The following DAB1 variants were observed in gnomAD, a reference collection of about 807,000 sequenced individuals.
DAB1 encodes disabled homolog 1.
In DAB1, 15 loss-of-function variants were observed where a neutral mutation model predicts 64.6. The ratio of observed to expected loss-of-function variants is 0.23; its 90% CI spans 0.16 to 0.36. The LOEUF is 0.36. Ranked by LOEUF, DAB1 falls within the 10% of genes least tolerant of loss-of-function variation. The pLI, the probability that DAB1 is intolerant of heterozygous loss-of-function variation, is 1.00. For synonymous variants in DAB1, 235 were observed against 251.9 expected, an observed-to-expected ratio of 0.93 and a Z score of 0.64; for missense variants, 596 against 706.7, an observed-to-expected ratio of 0.84 and a Z score of 1.78.
chr1:57,874,760 C>T (rs1644014953), intron 1 of DAB1, among the ~76,000 whole-genome samples: 1 of 152,046 alleles, frequency 6.6e-6, no homozygotes, highest in Non-Finnish European at 1.5e-5. Flanking sequence ...CTTGAGGGTT[C>T]AAACAAGGTT....
intron 7 of DAB1, among the ~76,000 whole-genome samples, chr1:57,613,268 A>ATTCTCATTCTGTTTCAGAATTGC (rs1645750222): frequency 6.6e-6 from 1 of 152,202 alleles, no homozygotes; most frequent in African/African-American, 2.4e-5. Flanking sequence ...ACATTTTAAA[A>ATTCTCATTCTGTTTCAGAATTGC]TTCTCATTCT....
chr1:57,356,656 GA>G (rs1418406567), intron 1 of DAB1, among the ~76,000 whole-genome samples: 1 of 151,950 alleles, frequency 6.6e-6, no homozygotes, highest in Non-Finnish European at 1.5e-5. Flanking sequence ...CATTCAGACA[GA>G]AAAAAGTCTT....
intron 4 of DAB1, among the ~76,000 whole-genome samples, chr1:57,105,882 C>T (rs1224623201): frequency 6.6e-6 from 1 of 152,092 alleles, no homozygotes; most frequent in African/African-American, 2.4e-5. Flanking sequence ...GACCTGGATC[C>T]TATCACTGAT....
At chr1:58,489,487 G>A (rs1645637925) in intron 3 of DAB1, among the ~76,000 whole-genome samples, 1 of 152,198 alleles carries the variant, frequency 6.6e-6, no homozygotes, top group Admixed American at 6.5e-5. Flanking sequence ...AAGGAGGCCT[G>A]CCTGCCTGTG....
chr1:57,314,574 C>T (rs753581098), intron 1 of DAB1, among the ~76,000 whole-genome samples: 4 of 152,062 alleles, frequency 2.6e-5, no homozygotes, highest in Non-Finnish European at 5.9e-5. Context: ...AAGCAATTTA[C>T]CCAGGTTTCC....
intron 2 of DAB1, among the ~76,000 whole-genome samples, chr1:57,248,561 T>C (rs1223525933): frequency 6.6e-6 from 1 of 152,202 alleles, no homozygotes; most frequent in Non-Finnish European, 1.5e-5. Context: ...TGAAAACATG[T>C]CCTTGAATTT....
chr1:57,214,685 T>C (rs197600), intron 2 of DAB1, among the ~76,000 whole-genome samples: 83,857 of 151,020 alleles, frequency 0.56, 23,993 homozygotes, highest in African/African-American at 0.69. Flanking sequence ...CCAAGGTGGG[T>C]GGATCACAAG....
At chr1:58,298,328 T>G (rs1662038723) in intron 4 of DAB1, among the ~76,000 whole-genome samples, 1 of 152,226 alleles carries the variant, frequency 6.6e-6, no homozygotes, top group Non-Finnish European at 1.5e-5. Context: ...CCACTGTCTT[T>G]ACTTTACTTT....
intron 4 of DAB1, among the ~76,000 whole-genome samples, chr1:58,274,672 G>C (rs897298261): frequency 2.0e-5 from 3 of 152,174 alleles, no homozygotes; most frequent in South Asian, 2.1e-4. Flanking sequence ...CGTGGGCGTA[G>C]GACCCTCAGA....
At chr1:57,344,529 CG>C (rs1381758304) in intron 1 of DAB1, among the ~76,000 whole-genome samples, 1 of 152,014 alleles carries the variant, frequency 6.6e-6, no homozygotes, top group Admixed American at 6.6e-5. Flanking sequence ...TTAGTTCAAA[CG>C]GTGCTAGCTT....
At chr1:57,885,424 G>A (rs1001733150), upstream of DAB1, among the ~76,000 whole-genome samples, 6 of 152,246 alleles carry the variant, frequency 3.9e-5, no homozygotes, top group African/African-American at 1.4e-4. Flanking sequence ...ATTTCAGGCA[G>A]TGGCTTATTA....
At chr1:58,148,136 T>C (rs1654715587) in intron 5 of DAB1, among the ~76,000 whole-genome samples, 1 of 152,190 alleles carries the variant, frequency 6.6e-6, no homozygotes, top group African/African-American at 2.4e-5. Context: ...CTTCTGATTT[T>C]AAGGCCAAGC....
chr1:57,758,894 T>C (rs1648940608), intron 6 of DAB1, among the ~76,000 whole-genome samples: 1 of 152,222 alleles, frequency 6.6e-6, no homozygotes, highest in Admixed American at 6.5e-5. Context: ...CCTTTTGACA[T>C]TTCTGTTAGG....
intron 2 of DAB1, among the ~76,000 whole-genome samples, chr1:58,512,798 C>A (rs748849977): frequency 1.3e-5 from 2 of 151,926 alleles, no homozygotes; most frequent in Non-Finnish European, 1.5e-5. Flanking sequence ...CTCAGTTCTG[C>A]AAAATGAATA....
chr1:57,179,618 C>T (rs2100961770), intron 2 of DAB1, among the ~76,000 whole-genome samples: 1 of 152,196 alleles, frequency 6.6e-6, no homozygotes, highest in South Asian at 2.1e-4. Context: ...CACTATGAAC[C>T]AATTTTTCCC....
chr1:58,406,545 G>A (rs1386517368), intron 3 of DAB1, among the ~76,000 whole-genome samples: 3 of 152,208 alleles, frequency 2.0e-5, no homozygotes, highest in Non-Finnish European at 4.4e-5. Context: ...AGAGTTGTAA[G>A]AGGAGGATGG....
chr1:57,275,655 G>A (rs1671400956), intron 2 of DAB1, among the ~76,000 whole-genome samples: 1 of 152,114 alleles, frequency 6.6e-6, no homozygotes, highest in African/African-American at 2.4e-5. Flanking sequence ...GAGGTTAAAA[G>A]ATCTGAACAG....
intron 4 of DAB1, among the ~76,000 whole-genome samples, chr1:57,112,438 G>C (rs1190196355): frequency 6.6e-6 from 1 of 152,156 alleles, no homozygotes; most frequent in Non-Finnish European, 1.5e-5. Context: ...TCCTGACCTA[G>C]CGGGCCCTTA....
chr1:57,490,892 T>C (rs1279003097), intron 7 of DAB1, among the ~76,000 whole-genome samples: 1 of 152,196 alleles, frequency 6.6e-6, no homozygotes, highest in Non-Finnish European at 1.5e-5. Flanking sequence ...ATACTTTTAG[T>C]TAATATATGT....
Sources: gnomAD v4.1 joint callset for allele counts (sites outside exome capture counted in the v4.1 genomes callset) on GRCh38, gnomAD v4.1.1 for gene constraint, MANE v1.5 for transcripts, NCBI Gene and HGNC (gene_info 2026-07-23, HGNC 2026-07-21) for gene names.